Variants in PKD1L1 observed in about 807,000 individuals in gnomAD.
The protein encoded by PKD1L1 is polycystin 1 like 1, transient receptor potential channel interacting.
In PKD1L1, 236 loss-of-function variants were observed where a neutral mutation model predicts 323.4. The observed-to-expected ratio is 0.73, with a 90% confidence interval of 0.66 to 0.81. The LOEUF is 0.81. Among genes scored for constraint, PKD1L1 ranks in the 40% least tolerant of loss-of-function variants. The probability of loss-of-function intolerance (pLI) is 0.00; values close to 1 mark genes in which losing one functional copy is unlikely to be tolerated. For missense variants in PKD1L1, 3,320 were observed against 3,508.0 expected, an observed-to-expected ratio of 0.95 and a Z score of 1.35; for synonymous variants, 1,344 against 1,335.0, an observed-to-expected ratio of 1.01 and a Z score of -0.15.
intron 4 of PKD1L1, among the ~76,000 whole-genome samples, chr7:47,935,866 C>T (rs1286928777): frequency 6.6e-6 from 1 of 152,250 alleles, no homozygotes; most frequent in East Asian, 1.9e-4. Flanking sequence ...TTCTTGGCAA[C>T]ATTGATGGGC....
At chr7:47,815,521 C>G (rs1366693889) in intron 46 of PKD1L1, 64 bp from the exon 47 acceptor site, 1 of 1,548,490 alleles carries the variant, frequency 6.5e-7, no homozygotes. Flanking sequence ...AACGTGAGAA[C>G]AAAAGCATGT....
chr7:47,823,396 G>A (rs7802098), intron 45 of PKD1L1, among the ~76,000 whole-genome samples: 22,025 of 151,952 alleles, frequency 0.14, 1,878 homozygotes, highest in African/African-American at 0.22. Flanking sequence ...TTTCCTCCTC[G>A]TGTCTCTTCC....
chr7:47,872,194 C>G (rs1334627942), intron 24 of PKD1L1, among the ~76,000 whole-genome samples: 3 of 152,120 alleles, frequency 2.0e-5, no homozygotes, highest in Non-Finnish European at 4.4e-5. Context: ...AGTCTGGAGC[C>G]CCAGTCTGCC....
At chr7:47,935,068 C>G (rs992317940) in intron 4 of PKD1L1, among the ~76,000 whole-genome samples, 3 of 152,226 alleles carry the variant, frequency 2.0e-5, no homozygotes, top group African/African-American at 2.4e-5. Flanking sequence ...CAGGCCTCAG[C>G]AGAGAGACAA....
intron 23 of PKD1L1, 35 bp from the exon 24 acceptor site, chr7:47,874,045 G>C: frequency 7.4e-7 from 1 of 1,349,788 alleles, no homozygotes; most frequent in Admixed American, 1.8e-5. Context: ...GGTCATCTTG[G>C]ACATGTGGGT....
chr7:47,916,162 A>G (rs1787425280), intron 7 of PKD1L1, among the ~76,000 whole-genome samples: 2 of 152,250 alleles, frequency 1.3e-5, no homozygotes, highest in African/African-American at 4.8e-5. Context: ...TGCACCAGCC[A>G]TTTGAAGGTG....
chr7:47,824,085 C>A (rs558501937), intron 45 of PKD1L1, among the ~76,000 whole-genome samples: 1 of 152,318 alleles, frequency 6.6e-6, no homozygotes, highest in South Asian at 2.1e-4. Context: ...AGAAACATTC[C>A]AGGTTCATCT....
chr7:47,834,553 T>C (rs1055480374), intron 39 of PKD1L1, among the ~76,000 whole-genome samples, 168 bp from the exon 40 acceptor site: 4 of 152,318 alleles, frequency 2.6e-5, no homozygotes, highest in African/African-American at 9.6e-5. Context: ...ACGAGGACTT[T>C]TGTTGATGCT....
chr7:47,855,978 T>C (rs565760248), intron 28 of PKD1L1, among the ~76,000 whole-genome samples: 3 of 151,460 alleles, frequency 2.0e-5, no homozygotes, highest in Non-Finnish European at 2.9e-5. Flanking sequence ...GGATGTTGAG[T>C]ATCAAATTTT....
At chr7:47,820,398 C>A (rs947203973) in intron 46 of PKD1L1, among the ~76,000 whole-genome samples, 1 of 152,166 alleles carries the variant, frequency 6.6e-6, no homozygotes, top group Admixed American at 6.5e-5. Flanking sequence ...AGCAAATGAA[C>A]AGCTTGAGAA....
intron 55 of PKD1L1, chr7:47,795,527 T>C (rs1784503734): frequency 8.4e-6 from 3 of 357,450 alleles, no homozygotes; most frequent in Non-Finnish European, 1.6e-5. Flanking sequence ...ATATCAGCCA[T>C]GAAGAAAGTG....
intron 53 of PKD1L1, among the ~76,000 whole-genome samples, chr7:47,802,115 C>T (rs568869905): frequency 1.1e-3 from 163 of 150,680 alleles, no homozygotes; most frequent in African/African-American, 3.6e-3. Flanking sequence ...GGCATGAACC[C>T]GGGAGGCGGA....
chr7:47,822,552 G>A (rs764492140), intron 45 of PKD1L1, among the ~76,000 whole-genome samples: 90 of 126,478 alleles, frequency 7.1e-4, no homozygotes, highest in South Asian at 1.3e-3. Context: ...CCGAGATCGC[G>A]CCATTGCGCT....
At chr7:47,927,409 G>A (rs995559881) in intron 7 of PKD1L1, among the ~76,000 whole-genome samples, 4 of 152,086 alleles carry the variant, frequency 2.6e-5, no homozygotes, top group Admixed American at 6.5e-5. Context: ...CTCCTAAGTA[G>A]GGCGCGCCAC....
At chr7:47,882,601 C>A (rs6975406) in intron 19 of PKD1L1, among the ~76,000 whole-genome samples, 88 of 151,450 alleles carry the variant, frequency 5.8e-4, no homozygotes, top group Admixed American at 2.7e-3. Context: ...TAGAAGGAGC[C>A]CTTCAAGCAT....
chr7:47,958,410 C>CT, the PKD1L1 span, among the ~76,000 whole-genome samples: 1 of 152,158 alleles, frequency 6.6e-6, no homozygotes, highest in Non-Finnish European at 1.5e-5. Context: ...GAATTAAACC[C>CT]TTATCTCCCA....
chr7:47,846,276 T>C (rs911612828), intron 32 of PKD1L1, among the ~76,000 whole-genome samples: 12 of 152,260 alleles, frequency 7.9e-5, no homozygotes, highest in African/African-American at 2.9e-4. Flanking sequence ...GAGCCTCTTA[T>C]AGAATTGTTA....
Position 47,800,898 on chromosome 7 carries a change from G to A in PKD1L1, c.7963-19C>T. On this transcript the variant is annotated intron_variant, in intron 53 of 56. Coordinates refer to ENST00000289672, the MANE Select transcript of PKD1L1 (RefSeq NM_138295.5). The stretch of plus-strand genomic sequence containing the variant: ...CCACCAGCTGCAGAAAGAAAATCCA[G>A]AGAGCACTGACCTTGTCACCTCTTC... The A allele has an allele frequency of 1.2e-6, 2 of 1,602,996 alleles. No individual in the cohort carries two copies. Among genetic ancestry groups the A allele is most frequent in the Non-Finnish European group, 8.5e-7 (1 of 1,170,214 alleles).
At chr7:47,865,165 C>T (rs1239295411) in intron 26 of PKD1L1, 51 bp downstream of exon 26, 1 of 1,397,604 alleles carries the variant, frequency 7.2e-7, no homozygotes, top group Non-Finnish European at 1.0e-6. Flanking sequence ...GATCATGTCC[C>T]TCAAAACTAT....
Sources: gnomAD v4.1 joint callset for allele counts (sites outside exome capture counted in the v4.1 genomes callset) on GRCh38, gnomAD v4.1.1 for gene constraint, MANE v1.5 for transcripts, NCBI Gene and HGNC (gene_info 2026-07-23, HGNC 2026-07-21) for gene names.